BTBD7: variants seen among roughly 807,000 people sequenced by gnomAD.
The protein encoded by BTBD7 is BTB domain containing 7.
A neutral mutation model predicts 99.9 loss-of-function variants in BTBD7; 38 were observed. The ratio of observed to expected loss-of-function variants is 0.38; its 90% CI spans 0.29 to 0.50. BTBD7 has a LOEUF of 0.50. Among genes scored for constraint, BTBD7 ranks in the 20% least tolerant of loss-of-function variants. BTBD7 has a pLI of 0.93. For missense variants in BTBD7, 1,170 were observed against 1,394.6 expected (o/e 0.84, Z 2.57); for synonymous variants, 520 against 511.4 (o/e 1.02, Z -0.23).
At chr14:93,277,111 A>G (rs1326545044) in intron 3 of BTBD7, among the ~76,000 whole-genome samples, 1 of 152,082 alleles carries the variant, frequency 6.6e-6, no homozygotes, top group Non-Finnish European at 1.5e-5. Context: ...CATGTTGGCC[A>G]GGCTGGTCCT....
chr14:93,296,907 T>C lies in BTBD7; in HGVS notation c.-106-750A>G, dbSNP rs546754554. Among the ~76,000 whole-genome samples, 3 of 152,246 alleles carry C rather than the reference T, an allele frequency of 2.0e-5. No homozygotes were observed. The South Asian group carries it at 6.2e-4, about 32-fold the overall frequency. On this transcript the variant is annotated intron_variant, in intron 1 of 10. Transcript: ENST00000334746. ...ACAATTACAGATTAAATTCTGAACA[T>C]GGAAACTTAACTCTCAGAGCTGCTA...
chr14:93,331,879 T>TCCC (rs71129629), intron 1 of BTBD7, among the ~76,000 whole-genome samples: 6,463 of 132,744 alleles, frequency 0.049, 566 homozygotes, highest in African/African-American at 0.14. Flanking sequence ...AGACTCCGTC[T>TCCC]CCCCCCCCCC....
At chr14:93,331,707 C>A (rs764135106) in intron 1 of BTBD7, among the ~76,000 whole-genome samples, 2 of 152,138 alleles carry the variant, frequency 1.3e-5, no homozygotes, top group Non-Finnish European at 2.9e-5. Context: ...ATGGTGAAAC[C>A]ACGTCTCTAT....
At chr14:93,298,767 A>G (rs1166533858) in intron 1 of BTBD7, among the ~76,000 whole-genome samples, 1 of 152,256 alleles carries the variant, frequency 6.6e-6, no homozygotes, top group Non-Finnish European at 1.5e-5. Flanking sequence ...TTTTACGATG[A>G]GCACAATTAG....
chr14:93,272,720 C>CT (rs1456767901), intron 3 of BTBD7, among the ~76,000 whole-genome samples: 3 of 152,204 alleles, frequency 2.0e-5, no homozygotes, highest in South Asian at 2.1e-4. Flanking sequence ...AAAGCAAAAA[C>CT]TGAGTGTCAG....
chr14:93,287,801 C>T (rs1450971053), intron 3 of BTBD7: 1 of 152,302 alleles, frequency 6.6e-6, no homozygotes, highest in Admixed American at 6.5e-5. Context: ...CGTGTTGGAG[C>T]CCATTTTCTA....
At chr14:93,298,543 C>T (rs933068110) in intron 1 of BTBD7, among the ~76,000 whole-genome samples, 2 of 151,998 alleles carry the variant, frequency 1.3e-5, no homozygotes, top group Non-Finnish European at 2.9e-5. Context: ...GGTACCCCAC[C>T]AAGCTATCTC....
At chr14:93,280,849 CTTT>C (rs564620800) in intron 3 of BTBD7, among the ~76,000 whole-genome samples, 1 of 141,758 alleles carries the variant, frequency 7.1e-6, no homozygotes. Flanking sequence ...AAAAAGGCAC[CTTT>C]TTTTTTTTTT....
chr14:93,246,335 A>G (rs537046563), intron 9 of BTBD7, 49 bp from the exon 10 acceptor site: 46 of 1,466,656 alleles, frequency 3.1e-5, no homozygotes, highest in Non-Finnish European at 3.6e-5. Context: ...AGCAGATTTC[A>G]TAAGTGGAAA....
intron 3 of BTBD7, among the ~76,000 whole-genome samples, chr14:93,286,323 G>C (rs1055839919): frequency 3.9e-5 from 6 of 152,180 alleles, no homozygotes; most frequent in Admixed American, 2.0e-4. Flanking sequence ...AAAGTCAAAT[G>C]ACTAACATAG....
intron 1 of BTBD7, among the ~76,000 whole-genome samples, chr14:93,323,140 T>C (rs1054775895): frequency 6.6e-6 from 1 of 151,202 alleles, no homozygotes; most frequent in African/African-American, 2.4e-5. Flanking sequence ...AAACAAACAC[T>C]GCAAAGCTGG....
At chr14:93,324,428 A>AAAAATAAAAAAAAAAAT (rs1555393948) in intron 1 of BTBD7, among the ~76,000 whole-genome samples, 10 of 151,408 alleles carry the variant, frequency 6.6e-5, no homozygotes, top group African/African-American at 1.7e-4. Flanking sequence ...TCTCAAAAAA[A>AAAAATAAAAAAAAAAAT]AAAAAAAGAG....
At chr14:93,318,309 G>C (rs978774688) in intron 1 of BTBD7, among the ~76,000 whole-genome samples, 1 of 152,202 alleles carries the variant, frequency 6.6e-6, no homozygotes, top group Non-Finnish European at 1.5e-5. Context: ...ACCTTTAAAA[G>C]GAGGAAGAAA....
At chr14:93,288,755 T>C (rs1200802547) in intron 3 of BTBD7, 4 of 1,597,854 alleles carry the variant, frequency 2.5e-6, no homozygotes, top group Non-Finnish European at 3.4e-6. Flanking sequence ...TTATAACCCC[T>C]GAGTGTAATT....
chr14:93,253,632 A>C lies in BTBD7; in HGVS notation c.1752+15T>G. On this transcript the variant is annotated intron_variant, in intron 7 of 10. Transcript: ENST00000334746. ...GTAATAAAGTAGTCTACTATCTTCA[A>C]ATGGTTTTCATTACCTTTGCTTCTT... is the stretch of plus-strand genomic sequence containing the variant. 6.2e-7 allele frequency: 1 copy of C among 1,608,470 alleles called. No homozygotes were observed. The highest frequency in any genetic ancestry group is 8.5e-7 in the Non-Finnish European group (1 of 1,176,028).
In BTBD7 at chr14:93,251,504, T is replaced by C. The variant is rs923690219; in HGVS notation, c.1901A>G (p.Asn634Ser). Residue 634 changes from asparagine (N) to serine (S), a missense_variant, in exon 8 of 11, where the codon AAC becomes AGC. Physicochemically the swap from Asn to Ser is conservative, Grantham distance 46. This residue lies in a region of BTBD7 where 309 missense variants were observed against 342.0 expected (regional missense o/e 0.90). Coordinates refer to ENST00000334746, the MANE Select transcript of BTBD7 (RefSeq NM_001002860.4). ...HMISHQQISS[N>S]QSSPPSVVAN... is the part of the protein sequence containing the mutation. ...TACAACTGAAGGAGGGCTTGACTGGTTGCTGCTGATCTGCTGGTGGCTGAT... is the reference window on the plus strand; with the variant it reads ...TACAACTGAAGGAGGGCTTGACTGGCTGCTGCTGATCTGCTGGTGGCTGAT... 4 of 1,612,546 alleles carry C rather than the reference T, an allele frequency of 2.5e-6. No individual in the cohort carries two copies. Among genetic ancestry groups the C allele is most frequent in the Non-Finnish European group, 3.4e-6 (4 of 1,178,874 alleles).
chr14:93,277,516 G>A (rs2052669545), intron 3 of BTBD7, among the ~76,000 whole-genome samples: 1 of 152,192 alleles, frequency 6.6e-6, no homozygotes, highest in African/African-American at 2.4e-5. Context: ...TACCACTAGA[G>A]TGGGACTGAC....
intron 1 of BTBD7, among the ~76,000 whole-genome samples, chr14:93,313,679 T>TACACAC (rs57711099): frequency 0.039 from 5,600 of 145,452 alleles, 123 homozygotes; most frequent in East Asian, 0.07. Context: ...AAAATGAAAC[T>TACACAC]ACACACACAC....
intron 3 of BTBD7, among the ~76,000 whole-genome samples, chr14:93,275,230 G>C (rs1268194744): frequency 6.6e-6 from 1 of 152,162 alleles, no homozygotes; most frequent in Non-Finnish European, 1.5e-5. Flanking sequence ...GGCCACCTTA[G>C]TAATATACTT....
Sources: gnomAD v4.1 joint callset for allele counts (sites outside exome capture counted in the v4.1 genomes callset) on GRCh38, gnomAD v4.1.1 for gene constraint, gnomAD v4.1.1 regional missense constraint, MANE v1.5 for transcripts, NCBI Gene and HGNC (gene_info 2026-07-23, HGNC 2026-07-21) for gene names.